The following CDH7 variants were observed in gnomAD, a reference collection of about 807,000 sequenced individuals.
CDH7 encodes the protein cadherin-7.
CDH7 carries 25 observed loss-of-function variants against 71.8 expected under a neutral mutation model. The observed-to-expected ratio is 0.35, with a 90% CI of 0.25 to 0.49. The LOEUF (loss-of-function observed/expected upper bound fraction) is 0.49, where lower values mean the gene tolerates loss of function less well. Among genes scored for constraint, CDH7 ranks in the 20% least tolerant of loss-of-function variants. The probability of loss-of-function intolerance (pLI) is 0.99; values close to 1 mark genes in which losing one functional copy is unlikely to be tolerated. For synonymous variants in CDH7, 381 were observed against 363.8 expected (o/e 1.05, Z -0.54); for missense variants, 862 against 974.6 (o/e 0.88, Z 1.54).
intron 7 of CDH7, among the ~76,000 whole-genome samples, chr18:65,852,012 A>C (rs1361072339): frequency 1.3e-5 from 2 of 152,188 alleles, no homozygotes; most frequent in Non-Finnish European, 2.9e-5. Flanking sequence ...AGCAGGACTA[A>C]AATAATTGGA....
chr18:65,864,997 G>A (rs1360570832), intron 11 of CDH7, among the ~76,000 whole-genome samples: 1 of 151,718 alleles, frequency 6.6e-6, no homozygotes, highest in African/African-American at 2.4e-5. Context: ...ATGTGTGGAA[G>A]ACTTTTTAAG....
At chr18:65,773,517 A>G (rs1916607878) in intron 2 of CDH7, among the ~76,000 whole-genome samples, 1 of 152,056 alleles carries the variant, frequency 6.6e-6, no homozygotes. Flanking sequence ...GAAAATACAC[A>G]TTTCAGAGTC....
At chr18:65,769,209 T>A (rs1213812435) in intron 2 of CDH7, among the ~76,000 whole-genome samples, 1 of 152,138 alleles carries the variant, frequency 6.6e-6, no homozygotes, top group East Asian at 1.9e-4. Flanking sequence ...TTTAATACAA[T>A]CTTCAAATCA....
chr18:65,761,227 A>G (rs1003001803), intron 1 of CDH7, among the ~76,000 whole-genome samples: 2 of 152,188 alleles, frequency 1.3e-5, no homozygotes, highest in African/African-American at 4.8e-5. Context: ...TTTTAAATGT[A>G]TGCATTCATT....
intron 2 of CDH7, among the ~76,000 whole-genome samples, chr18:65,779,042 A>T (rs1286097104): frequency 6.7e-6 from 1 of 148,820 alleles, no homozygotes; most frequent in South Asian, 2.1e-4. Context: ...TTTGCTCTTC[A>T]GACATATGTG....
chr18:65,781,824 T>TCTTTC (rs1910228002), intron 2 of CDH7, among the ~76,000 whole-genome samples: 1 of 72,048 alleles, frequency 1.4e-5, no homozygotes, highest in Non-Finnish European at 2.4e-5. Flanking sequence ...CCTTCCTTCT[T>TCTTTC]TCTTTCTTTC....
At chr18:65,845,708 T>C (rs1201478977) in intron 7 of CDH7, among the ~76,000 whole-genome samples, 1 of 152,018 alleles carries the variant, frequency 6.6e-6, no homozygotes, top group Non-Finnish European at 1.5e-5. Context: ...TTTCATAAAG[T>C]TGGAGATATG....
rs910886235 is a variant in CDH7, at chr18:65,809,744, A to G, written c.251A>G (p.Tyr84Cys). The part of the protein sequence containing the change: ...DVDKGDGSIK[Y>C]ILSGEGASSI... The stretch of plus-strand genomic sequence containing the variant: ...GATAAAGGAGATGGTTCCATCAAAT[A>G]CATCTTGTCAGGCGAAGGGGCAAGT... Residue 84 changes from tyrosine to cysteine, a missense_variant, in exon 3 of 12, where the codon TAC (tyrosine) becomes TGC (cysteine). By Grantham distance (194) the Tyr-to-Cys change is radical (BLOSUM62 -2). Coordinates refer to ENST00000397968, the MANE Select transcript of CDH7 (RefSeq NM_004361.5). The G allele has an allele frequency of 6.2e-7, 1 of 1,613,912 alleles. No homozygotes were observed. Among genetic ancestry groups the G allele is most frequent in the African/African-American group, 1.3e-5 (1 of 74,902 alleles).
chr18:65,889,739 C>T lies in CDH7; in HGVS notation c.*8845C>T, dbSNP rs1465440118. The T allele has an allele frequency of 6.6e-6, 1 of 151,988 alleles. No individual in the cohort carries two copies. The highest frequency in any genetic ancestry group is 1.5e-5 in the Non-Finnish European group (1 of 68,028). The allele number at this position is 151,988 out of a possible 1,614,324, so 9.4% of individuals were successfully genotyped here. ...AGAAGTACTATGGAGATTGTATATA[C>T]TATATTAGACACTGTGCAAGAAGGA... On this transcript the variant is annotated 3_prime_UTR_variant, in exon 12 of 12. Transcript: ENST00000397968.
intron 7 of CDH7, among the ~76,000 whole-genome samples, chr18:65,849,399 CTTTTCT>C (rs1913061881): frequency 3.8e-5 from 4 of 105,592 alleles, no homozygotes; most frequent in African/African-American, 8.3e-5. Context: ...CTTTTCTTTT[CTTTTCT>C]TTTCTTTTCT....
At chr18:65,859,681 T>C in intron 9 of CDH7, 27 bp from the exon 10 acceptor site, 2 of 1,405,416 alleles carry the variant, frequency 1.4e-6, no homozygotes, top group Non-Finnish European at 2.0e-6. Flanking sequence ...CCAATGTGCT[T>C]TCATCTTTTA....
At chr18:65,829,986 T>G (rs1294065589) in intron 6 of CDH7, among the ~76,000 whole-genome samples, 1 of 152,086 alleles carries the variant, frequency 6.6e-6, no homozygotes, top group Non-Finnish European at 1.5e-5. Flanking sequence ...AACTGGTCAG[T>G]CCTACCAGGG....
At chr18:65,782,659 A>C (rs546859932) in intron 2 of CDH7, among the ~76,000 whole-genome samples, 1 of 152,314 alleles carries the variant, frequency 6.6e-6, no homozygotes, top group African/African-American at 2.4e-5. Flanking sequence ...GATTCTTGTG[A>C]GACTATGGTC....
intron 2 of CDH7, among the ~76,000 whole-genome samples, chr18:65,782,505 T>C (rs1039056272): frequency 2.6e-5 from 4 of 152,094 alleles, no homozygotes; most frequent in Admixed American, 1.3e-4. Flanking sequence ...TACAAGTATA[T>C]TAAAATAGAG....
intron 2 of CDH7, among the ~76,000 whole-genome samples, chr18:65,804,242 C>G (rs1911231716): frequency 6.6e-6 from 1 of 152,020 alleles, no homozygotes; most frequent in African/African-American, 2.4e-5. Context: ...TTATGAATCC[C>G]ATTCCACTGT....
chr18:65,884,096 T>C lies in CDH7; in HGVS notation c.*3202T>C, dbSNP rs1362794002. On this transcript the variant is annotated 3_prime_UTR_variant, in exon 12 of 12. Coordinates refer to ENST00000397968, the MANE Select transcript of CDH7 (RefSeq NM_004361.5). ...CAGATGCATTTTACTTCTTACTGTC[T>C]ATGTCAAGGAAATACACCCAAGCCC... is the stretch of plus-strand genomic sequence containing the variant. 1 of 152,156 alleles carries C rather than the reference T, an allele frequency of 6.6e-6. No homozygotes were observed. Among genetic ancestry groups the C allele is most frequent in the Non-Finnish European group, 1.5e-5 (1 of 67,996 alleles). 9.4% of individuals were successfully genotyped at this position (152,156 alleles called of 1,614,324 possible).
At chr18:65,808,570 G>A (rs17075226) in intron 2 of CDH7, among the ~76,000 whole-genome samples, 3,186 of 152,274 alleles carry the variant, frequency 0.021, 47 homozygotes, top group Admixed American at 0.027. Flanking sequence ...AAACATGGCC[G>A]TTACAGTGCA....
At position 65,885,087 on chromosome 18, in the gene CDH7, G is replaced by A. The variant is rs1914333968; in HGVS notation, c.*4193G>A. 6.6e-6 allele frequency: 1 copy of A among 152,100 alleles called. No individual in the cohort carries two copies. Among genetic ancestry groups the A allele is most frequent in the Admixed American group, 6.6e-5 (1 of 15,266 alleles). 9.4% of individuals were successfully genotyped at this position (152,100 alleles called of 1,614,324 possible). ...CGGTGTATGAAAGTTGGCAATGAAA[G>A]CTAATACAATCATGTTAGTCGGCTG... On this transcript the variant is annotated 3_prime_UTR_variant, in exon 12 of 12. Coordinates refer to ENST00000397968, the MANE Select transcript of CDH7 (RefSeq NM_004361.5).
chr18:65,848,756 C>T (rs1322151446), intron 7 of CDH7, among the ~76,000 whole-genome samples: 6 of 151,952 alleles, frequency 3.9e-5, no homozygotes, highest in Non-Finnish European at 5.9e-5. Context: ...AAAAGTAATA[C>T]GCATCATTTT....
Sources: gnomAD v4.1 joint callset for allele counts (sites outside exome capture counted in the v4.1 genomes callset) on GRCh38, gnomAD v4.1.1 for gene constraint, MANE v1.5 for transcripts, NCBI Gene and HGNC (gene_info 2026-07-23, HGNC 2026-07-21) for gene names.